CELF2: variants seen among roughly 807,000 people sequenced by gnomAD.
CELF2 encodes CUG triplet repeat RNA-binding protein 2.
A neutral mutation model predicts 62.6 loss-of-function variants in CELF2; 8 were observed. The ratio of observed to expected loss-of-function variants is 0.13; its 90% CI spans 0.07 to 0.23. The LOEUF is 0.23. CELF2 is among the 10% of genes least tolerant of loss of function. The pLI is 1.00. For synonymous variants in CELF2, 258 were observed against 250.0 expected, an observed-to-expected ratio of 1.03 and a Z score of -0.30; for missense variants, 333 against 671.0, an observed-to-expected ratio of 0.50 and a Z score of 5.56.
chr10:11,115,692 AG>A (rs2056409769), intron 1 of CELF2, among the ~76,000 whole-genome samples: 1 of 152,252 alleles, frequency 6.6e-6, no homozygotes, highest in South Asian at 2.1e-4. Flanking sequence ...GACACTTGAC[AG>A]AACTACAGAG....
the CELF2 span, among the ~76,000 whole-genome samples, chr10:10,605,898 G>C: frequency 1.3e-5 from 2 of 152,214 alleles, no homozygotes; most frequent in African/African-American, 4.8e-5. Flanking sequence ...CTAGGAAATT[G>C]CTGGTCTGTA....
the CELF2 span, among the ~76,000 whole-genome samples, chr10:10,713,183 G>A: frequency 2.6e-5 from 4 of 152,072 alleles, no homozygotes. Flanking sequence ...AAAGGCCTTC[G>A]TAACCTGCTA....
chr10:10,502,408 A>G, the CELF2 span, among the ~76,000 whole-genome samples: 2 of 151,988 alleles, frequency 1.3e-5, no homozygotes, highest in African/African-American at 4.8e-5. Context: ...GGGCCTGGAT[A>G]TTTAAGAGTT....
At chr10:11,078,386 C>T (rs1284093622) in intron 1 of CELF2, among the ~76,000 whole-genome samples, 1 of 152,164 alleles carries the variant, frequency 6.6e-6, no homozygotes, top group African/African-American at 2.4e-5. Context: ...GAATTCACTG[C>T]TTTTCCAGAG....
intron 1 of CELF2, among the ~76,000 whole-genome samples, chr10:11,147,433 G>A (rs550949232): frequency 6.6e-6 from 1 of 152,238 alleles, no homozygotes; most frequent in South Asian, 2.1e-4. Flanking sequence ...AGATTTAGAG[G>A]TAGAAGTAAT....
chr10:11,245,013 C>T (rs1225290830), intron 3 of CELF2, among the ~76,000 whole-genome samples: 1 of 152,158 alleles, frequency 6.6e-6, no homozygotes, highest in Non-Finnish European at 1.5e-5. Flanking sequence ...ACTGCAAGCT[C>T]CATCACAATG....
the CELF2 span, among the ~76,000 whole-genome samples, chr10:10,721,990 A>G: frequency 0.17 from 25,673 of 152,242 alleles, 2,395 homozygotes; most frequent in East Asian, 0.28. Context: ...CTTTTTAAAT[A>G]TAGTAAAATG....
rs1382653482 is a variant in CELF2, at chr10:10,993,094, A to T, written c.89+73095A>T. 6.6e-6 allele frequency among the ~76,000 whole-genome samples: 1 copy of T among 152,210 alleles called. No individual in the cohort carries two copies. Among genetic ancestry groups the T allele is most frequent in the Non-Finnish European group, 1.5e-5 (1 of 68,032 alleles). On this transcript the variant is annotated intron_variant, in intron 2 of 13. Coordinates refer to the CELF2 transcript ENST00000636488. This position sits in a 1 kb window ranked among gnomAD's most constrained non-coding sequence, Gnocchi z 5.3. ...CAGGGCGGATGATCCAGGGCAGGGCAGAACAATTGCAGGGCCAGCTGCTGT... is the reference window on the plus strand; with the variant it reads ...CAGGGCGGATGATCCAGGGCAGGGCTGAACAATTGCAGGGCCAGCTGCTGT...
intron 2 of CELF2, among the ~76,000 whole-genome samples, chr10:10,940,873 CTT>C (rs977093413): frequency 6.6e-6 from 1 of 152,152 alleles, no homozygotes; most frequent in African/African-American, 2.4e-5. Context: ...TCATCTGTAA[CTT>C]TTGTAGCAAT....
chr10:10,480,762 C>T, the CELF2 span, among the ~76,000 whole-genome samples: 1 of 152,144 alleles, frequency 6.6e-6, no homozygotes, highest in African/African-American at 2.4e-5. Context: ...ATACAGAAAA[C>T]TCAAAGTGCA....
Position 10,997,233 on chromosome 10 carries a change from C to T in CELF2, c.89+77234C>T, listed in dbSNP as rs1274335373. Among the ~76,000 whole-genome samples the T allele has an allele frequency of 6.6e-6, 1 of 152,158 alleles. No individual in the cohort carries two copies. Among genetic ancestry groups the T allele is most frequent in the Non-Finnish European group, 1.5e-5 (1 of 68,038 alleles). ...TAATGCAGATTTACGGGATGGCTCT[C>T]ATAGCTAAGTGATGCAAGCCTTTGT... is the stretch of plus-strand genomic sequence containing the variant. On this transcript the variant is annotated intron_variant, in intron 2 of 13. Transcript: ENST00000636488. The surrounding 1 kb of genome is among the most constrained non-coding windows in gnomAD (Gnocchi z 5.3).
chr10:11,325,213 C>A (rs1161488023), intron 11 of CELF2, among the ~76,000 whole-genome samples: 1 of 152,176 alleles, frequency 6.6e-6, no homozygotes, highest in South Asian at 2.1e-4. Flanking sequence ...CCAAGGCTAA[C>A]GCCCAGGAGA....
chr10:10,927,681 G>A (rs1372001569), intron 2 of CELF2, among the ~76,000 whole-genome samples: 3 of 151,980 alleles, frequency 2.0e-5, no homozygotes, highest in East Asian at 3.9e-4. Flanking sequence ...CTCCCACCTT[G>A]GCCTCCTAAA....
At chr10:10,969,233 G>A (rs898463039) in intron 2 of CELF2, among the ~76,000 whole-genome samples, 1 of 152,128 alleles carries the variant, frequency 6.6e-6, no homozygotes, top group African/African-American at 2.4e-5. Context: ...CTCCAGCCTG[G>A]GCAACAGAGC....
chr10:10,492,350 T>C, the CELF2 span, among the ~76,000 whole-genome samples: 2 of 152,186 alleles, frequency 1.3e-5, no homozygotes, highest in Non-Finnish European at 2.9e-5. Context: ...ATAGGAGATA[T>C]ACCTAATGTA....
chr10:11,307,231 G>A (rs966943056), intron 9 of CELF2, among the ~76,000 whole-genome samples: 1 of 152,238 alleles, frequency 6.6e-6, no homozygotes, highest in African/African-American at 2.4e-5. Context: ...GCTCTGACGG[G>A]CACTACTCTG....
intron 1 of CELF2, among the ~76,000 whole-genome samples, chr10:10,816,586 T>C (rs149797621): frequency 1.3e-5 from 2 of 152,358 alleles, no homozygotes; most frequent in African/African-American, 4.8e-5. Context: ...GAAAATTAAA[T>C]GTCCAGTTAA....
At chr10:10,576,089 C>T in the CELF2 span, among the ~76,000 whole-genome samples, 1 of 152,328 alleles carries the variant, frequency 6.6e-6, no homozygotes, top group South Asian at 2.1e-4. Flanking sequence ...CTGGCTGCTG[C>T]TTTATCTGGC....
At chr10:10,890,763 C>G (rs2062079202) in intron 1 of CELF2, among the ~76,000 whole-genome samples, 1 of 152,196 alleles carries the variant, frequency 6.6e-6, no homozygotes, top group Non-Finnish European at 1.5e-5. Flanking sequence ...GCCTGTAATC[C>G]CAGCACTTTG....
Sources: gnomAD v4.1 joint callset for allele counts (sites outside exome capture counted in the v4.1 genomes callset) on GRCh38, gnomAD v4.1.1 for gene constraint, Gnocchi (gnomAD v3.1) non-coding constraint, MANE v1.5 for transcripts, NCBI Gene and HGNC (gene_info 2026-07-23, HGNC 2026-07-21) for gene names.